SLIT1: variants seen among roughly 807,000 people sequenced by gnomAD.
SLIT1 encodes slit guidance ligand 1, also known as slit homolog 1 protein.
Under a neutral mutation model 186.1 loss-of-function variants are expected in SLIT1, and 66 were observed. That is an observed-to-expected ratio of 0.35 (90% CI 0.29 to 0.44). SLIT1 has a LOEUF of 0.44. Ranked by LOEUF, SLIT1 falls within the 20% of genes least tolerant of loss-of-function variation. The pLI is 1.00. For synonymous variants in SLIT1, 761 were observed against 833.8 expected (o/e 0.91, Z 1.50); for missense variants, 1,638 against 2,037.4 (o/e 0.80, Z 3.77).
At chr10:97,128,564 C>T (rs114065134) in intron 4 of SLIT1, among the ~76,000 whole-genome samples, 2,838 of 152,296 alleles carry the variant, frequency 0.019, 83 homozygotes, top group African/African-American at 0.065. Flanking sequence ...GCCCCTCCTG[C>T]CCTGATGCCC....
chr10:97,100,180 T>A (rs949686301), intron 4 of SLIT1, among the ~76,000 whole-genome samples: 1 of 152,056 alleles, frequency 6.6e-6, no homozygotes, highest in Non-Finnish European at 1.5e-5. Flanking sequence ...CAGAAACATG[T>A]TTGACATGAA....
intron 4 of SLIT1, among the ~76,000 whole-genome samples, chr10:97,140,154 C>A (rs1470115789): frequency 1.3e-5 from 2 of 152,038 alleles, no homozygotes; most frequent in Non-Finnish European, 2.9e-5. Context: ...GAAAGAGTGG[C>A]CCCTGTCTCC....
chr10:97,071,727 C>T (rs917667005), intron 4 of SLIT1, among the ~76,000 whole-genome samples: 7 of 152,140 alleles, frequency 4.6e-5, no homozygotes, highest in East Asian at 3.9e-4. Flanking sequence ...CAGCTCACAG[C>T]GCCCACGGGA....
At chr10:97,029,713 T>C (rs898867251) in intron 25 of SLIT1, among the ~76,000 whole-genome samples, 3 of 152,214 alleles carry the variant, frequency 2.0e-5, no homozygotes, top group Non-Finnish European at 2.9e-5. Flanking sequence ...TGTTGTACAA[T>C]ATCACCACTA....
chr10:97,108,267 GC>G (rs1849432744), intron 4 of SLIT1, among the ~76,000 whole-genome samples: 1 of 152,316 alleles, frequency 6.6e-6, no homozygotes, highest in African/African-American at 2.4e-5. Context: ...GGGTTTACAT[GC>G]CAGCTTTGCC....
intron 4 of SLIT1, among the ~76,000 whole-genome samples, chr10:97,069,538 G>T (rs1848983428): frequency 6.6e-6 from 1 of 152,230 alleles, no homozygotes; most frequent in Non-Finnish European, 1.5e-5. Flanking sequence ...CTGCCAAAGA[G>T]ATGGGAGAGT....
chr10:97,162,474 G>T (rs182976686), intron 3 of SLIT1, among the ~76,000 whole-genome samples: 1 of 152,090 alleles, frequency 6.6e-6, no homozygotes. Context: ...TTAGCCAGGC[G>T]TGGTGGCATG....
intron 4 of SLIT1, among the ~76,000 whole-genome samples, chr10:97,116,088 G>C (rs1849507566): frequency 6.6e-6 from 1 of 152,156 alleles, no homozygotes; most frequent in South Asian, 2.1e-4. Flanking sequence ...TAATGTAAAA[G>C]TAGAATCAAC....
chr10:97,059,992 G>C (rs1186532482), intron 10 of SLIT1, 95 bp downstream of exon 10: 22 of 1,063,414 alleles, frequency 2.1e-5, no homozygotes, highest in Non-Finnish European at 2.8e-5. Context: ...TCAGCTGTGG[G>C]GGGCTGAGTT....
At chr10:97,112,494 T>C (rs1475730843) in intron 4 of SLIT1, among the ~76,000 whole-genome samples, 1 of 152,092 alleles carries the variant, frequency 6.6e-6, no homozygotes, top group African/African-American at 2.4e-5. Context: ...GGACAGATAA[T>C]CCACACTCAT....
Position 97,060,651 on chromosome 10 carries a change from G to C in SLIT1, c.930C>G (p.Thr310=). ...LTAIPANLPE[T]MTEIRLELNG... ...TGCCCCGTACTCACATCTCCGTCAT[G>C]GTCTCGGGCAGGTTGGCCGGGATGG... Residue 310 remains threonine, a synonymous_variant, in exon 9 of 37, where the codon ACC becomes ACG. Transcript: ENST00000266058. 1 of 1,613,070 alleles carries C rather than the reference G, an allele frequency of 6.2e-7. No individual in the cohort carries two copies. The highest frequency in any genetic ancestry group is 8.5e-7 in the Non-Finnish European group (1 of 1,180,038).
At chr10:97,162,091 T>C (rs1427404655) in intron 3 of SLIT1, among the ~76,000 whole-genome samples, 1 of 152,222 alleles carries the variant, frequency 6.6e-6, no homozygotes, top group Non-Finnish European at 1.5e-5. Flanking sequence ...AAGTTATCTA[T>C]AATCCACCAC....
chr10:97,070,539 C>T (rs1213129157), intron 4 of SLIT1, among the ~76,000 whole-genome samples: 4 of 152,208 alleles, frequency 2.6e-5, no homozygotes, highest in Non-Finnish European at 5.9e-5. Context: ...AGGTTGAAAC[C>T]TAATCTCCAA....
At chr10:97,087,354 G>C (rs1210432769) in intron 4 of SLIT1, among the ~76,000 whole-genome samples, 1 of 152,188 alleles carries the variant, frequency 6.6e-6, no homozygotes, top group Non-Finnish European at 1.5e-5. Flanking sequence ...CCATCCTCCG[G>C]CTTGCCTCCC....
At chr10:97,109,720 G>A (rs543630916) in intron 4 of SLIT1, among the ~76,000 whole-genome samples, 23 of 152,292 alleles carry the variant, frequency 1.5e-4, no homozygotes, top group South Asian at 1.0e-3. Context: ...CGGGTCTGGC[G>A]TGTGTGCTCT....
At chr10:97,105,473 G>A (rs1226535612) in intron 4 of SLIT1, among the ~76,000 whole-genome samples, 3 of 152,196 alleles carry the variant, frequency 2.0e-5, no homozygotes, top group Non-Finnish European at 2.9e-5. Context: ...TCAGTGGCAG[G>A]GAGCACTCTG....
intron 4 of SLIT1, among the ~76,000 whole-genome samples, chr10:97,118,548 G>C (rs962394225): frequency 6.6e-6 from 1 of 152,158 alleles, no homozygotes; most frequent in Non-Finnish European, 1.5e-5. Context: ...GCCGTCGCAG[G>C]TTCTGACCTT....
Position 97,021,168 on chromosome 10 carries a change from C to T in SLIT1, c.2746+82G>A, listed in dbSNP as rs1054691534. On this transcript the variant is annotated intron_variant, in intron 26 of 36. Transcript: ENST00000266058. This position sits in a 1 kb window ranked among gnomAD's most constrained non-coding sequence, Gnocchi z 4.5. ...CCCCGCCCAGCGGTCACCACAGGGA[C>T]GCAGGCATGTTAGGAAGGCCCTGCA... 19 of 1,403,408 alleles carry T rather than the reference C, an allele frequency of 1.4e-5. 1 individual carries two copies. The highest frequency in any genetic ancestry group is 2.8e-5 in the African/African-American group (2 of 70,364). The allele number at this position is 1,403,408 out of a possible 1,614,324, so 86.9% of individuals were successfully genotyped here.
chr10:97,084,005 GC>G (rs1205860365), intron 4 of SLIT1, among the ~76,000 whole-genome samples: 12 of 104,378 alleles, frequency 1.1e-4, no homozygotes, highest in Non-Finnish European at 2.1e-4. Context: ...AGGGCTCCTG[GC>G]CCCAGTCTTC....
Sources: allele counts gnomAD v4.1 joint callset (sites outside exome capture counted in the v4.1 genomes callset), GRCh38; gene constraint gnomAD v4.1.1; non-coding constraint Gnocchi (gnomAD v3.1); transcripts MANE v1.5; gene names NCBI Gene and HGNC (gene_info 2026-07-23, HGNC 2026-07-21).